The following UAP1L1 variants were observed in gnomAD, a reference collection of about 807,000 sequenced individuals.
UAP1L1 encodes UDP-N-acetylhexosamine pyrophosphorylase-like protein 1.
A neutral mutation model predicts 45.3 loss-of-function variants in UAP1L1; 45 were observed. That is an observed-to-expected ratio of 0.99 (90% confidence interval 0.78 to 1.27). UAP1L1 has a LOEUF of 1.27. Among genes scored for constraint, UAP1L1 ranks in the 50% most tolerant of loss-of-function variants. UAP1L1 has a pLI of 0.00. For missense variants in UAP1L1, 667 were observed against 694.0 expected, an observed-to-expected ratio of 0.96 and a Z score of 0.44; for synonymous variants, 323 against 303.9, an observed-to-expected ratio of 1.06 and a Z score of -0.65.
chr9:137,078,449 C>T (rs1204974456), intron 2 of UAP1L1, 53 bp from the exon 3 acceptor site: 1 of 1,610,622 alleles, frequency 6.2e-7, no homozygotes, highest in Non-Finnish European at 8.5e-7. Flanking sequence ...CGAGCCCCGT[C>T]TGCCTGCAGG....
At chr9:137,078,306 C>T (rs1165155662) in intron 2 of UAP1L1, 52 bp downstream of exon 2, 3 of 1,511,802 alleles carry the variant, frequency 2.0e-6, no homozygotes, top group Non-Finnish European at 2.7e-6. Context: ...CCCACGCCCC[C>T]CCACATCCCC....
At position 137,077,563 on chromosome 9, in the gene UAP1L1, C is replaced by T; in HGVS notation, c.31C>T (p.Leu11=). MASEQDVRAR[L]QRAGQEHLLR... is the part of the protein sequence containing the mutation. ...TTCGGAGCAGGACGTGCGCGCCCGG[C>T]TGCAGCGCGCTGGCCAGGAGCACCT... The change falls in exon 1 of 9, where the codon CTG becomes TTG. Residue 11 remains leucine, a synonymous_variant. Coordinates refer to ENST00000409858, the MANE Select transcript of UAP1L1 (RefSeq NM_207309.3). This position sits in a 1 kb window ranked among gnomAD's most constrained non-coding sequence, Gnocchi z 4.7. 7.2e-7 allele frequency: 1 copy of T among 1,394,112 alleles called. No individual in the cohort carries two copies. The highest frequency in any genetic ancestry group is 9.4e-7 in the Non-Finnish European group (1 of 1,067,436). 86.4% of individuals were successfully genotyped at this position (1,394,112 alleles called of 1,614,324 possible).
rs777183541 is a variant in UAP1L1, at chr9:137,077,673, C to T, written c.141C>T (p.Arg47=). 15 of 1,195,000 alleles carry T rather than the reference C, an allele frequency of 1.3e-5. 1 individual carries two copies. In the South Asian group the frequency reaches 3.9e-4, roughly 31 times the overall value. 74.0% of individuals were successfully genotyped at this position (1,195,000 alleles called of 1,614,324 possible). ...ELALLEPEAL[R]EHCRRAAEAC... Reference sequence around the variant, plus strand: ...CGCTGCTGGAGCCCGAGGCGCTGCGCGAGCACTGCCGGCGGGCGGCGGAGG... The same window carrying T: ...CGCTGCTGGAGCCCGAGGCGCTGCGTGAGCACTGCCGGCGGGCGGCGGAGG... Residue 47 remains arginine (R), a synonymous_variant, in exon 1 of 9, where the codon CGC becomes CGT. Coordinates refer to ENST00000409858, the MANE Select transcript of UAP1L1 (RefSeq NM_207309.3). The surrounding 1 kb of genome is among the most constrained non-coding windows in gnomAD (Gnocchi z 4.7).
At position 137,078,443 on chromosome 9, in the gene UAP1L1, C is replaced by T. The variant is rs781485200; in HGVS notation, c.495-59C>T. The T allele has an allele frequency of 7.5e-6, 12 of 1,609,758 alleles. 1 individual carries two copies. In the African/African-American group the frequency reaches 1.5e-4, roughly 20 times the overall value. ...ACCCCGATGCCGGCTCTGGTCCGAG[C>T]CCCGTCTGCCTGCAGGGCCAGGCGT... is the stretch of plus-strand genomic sequence containing the variant. On this transcript the variant is annotated intron_variant, in intron 2 of 8. Transcript: ENST00000409858.
In UAP1L1 at chr9:137,082,344, G is replaced by A. The variant is rs1832801132; in HGVS notation, c.1431+280G>A. The A allele has an allele frequency of 3.3e-6, 2 of 599,028 alleles. No individual in the cohort carries two copies. The highest frequency in any genetic ancestry group is 5.9e-6 in the Non-Finnish European group (2 of 337,526). 37.1% of individuals were successfully genotyped at this position (599,028 alleles called of 1,614,324 possible). A position where few individuals can be genotyped will look rare whatever the true frequency, so the allele number is the denominator to read the frequency against. ...CTTGGTGGGGGCCTTGCGGAGGGAG[G>A]ACACCGGCCTCTGCTACCTCCCTGA... On this transcript the variant is annotated intron_variant, in intron 8 of 8. Coordinates refer to ENST00000409858, the MANE Select transcript of UAP1L1 (RefSeq NM_207309.3). This position sits in a 1 kb window ranked among gnomAD's most constrained non-coding sequence, Gnocchi z 5.7.
intron 6 of UAP1L1, chr9:137,080,440 G>A (rs1224401540): frequency 2.0e-5 from 12 of 590,906 alleles, no homozygotes; most frequent in East Asian, 8.7e-5. Flanking sequence ...AGGGCGGCTC[G>A]CAGGGCCTTT....
In UAP1L1 at chr9:137,079,336, C is replaced by T. The variant is rs781591611; in HGVS notation, c.924C>T (p.Ser308=). The T allele has an allele frequency of 3.7e-6, 6 of 1,613,166 alleles. No individual in the cohort carries two copies. Among genetic ancestry groups the T allele is most frequent in the Middle Eastern group, 1.6e-4 (1 of 6,062 alleles). The part of the protein sequence containing the change: ...VDGVPQVVEY[S]EISPETAQLR... ...GTGTCCCCCAGGTGGTGGAGTACAG[C>T]GAGATCAGTCCTGAGACCGCACAGC... Residue 308 remains serine (S), a synonymous_variant, in exon 5 of 9, where the codon AGC becomes AGT. Transcript: ENST00000409858.
rs774386809 is a variant in UAP1L1 at position 137,082,471 on chromosome 9, G to C, written c.1432-166G>C. 28 of 624,764 alleles carry C rather than the reference G, an allele frequency of 4.5e-5. No individual in the cohort carries two copies. The highest frequency in any genetic ancestry group is 6.8e-5 in the Non-Finnish European group (24 of 351,144). The allele number at this position is 624,764 out of a possible 1,614,324, so 38.7% of individuals were successfully genotyped here. A position where few individuals can be genotyped will look rare whatever the true frequency, so the allele number is the denominator to read the frequency against. On this transcript the variant is annotated intron_variant, in intron 8 of 8. Transcript: ENST00000409858. This position sits in a 1 kb window ranked among gnomAD's most constrained non-coding sequence, Gnocchi z 5.7. ...CTTGAGTGTGGTCTTGGGTGGCCTT[G>C]CAGTGTGTGTCTGCTCCTGGCCCTG...
In UAP1L1 at chr9:137,082,815, C is replaced by A. The variant is rs1383752786; in HGVS notation, c.*86C>A. ...CGACTCCCCCCAGACCTGCCAGCCCCGGCGTCCTGGAGCTGGGGGCTACAG... is the reference window on the plus strand; with the variant it reads ...CGACTCCCCCCAGACCTGCCAGCCCAGGCGTCCTGGAGCTGGGGGCTACAG... On this transcript the variant is annotated 3_prime_UTR_variant, in exon 9 of 9. Transcript: ENST00000409858. This position sits in a 1 kb window ranked among gnomAD's most constrained non-coding sequence, Gnocchi z 5.7. 3.4e-6 allele frequency: 4 copies of A among 1,182,318 alleles called. No individual in the cohort carries two copies. Among genetic ancestry groups the A allele is most frequent in the Non-Finnish European group, 4.8e-6 (4 of 832,924 alleles). The allele number at this position is 1,182,318 out of a possible 1,614,324, so 73.2% of individuals were successfully genotyped here. A position where few individuals can be genotyped will look rare whatever the true frequency, so the allele number is the denominator to read the frequency against.
chr9:137,079,908 A>AGCTGGGTGTG (rs1362083908), intron 5 of UAP1L1, 94 bp from the exon 6 acceptor site: 10 of 1,495,146 alleles, frequency 6.7e-6, no homozygotes, highest in Non-Finnish European at 8.2e-6. Flanking sequence ...ATCCTGTCCC[A>AGCTGGGTGTG]CCCAGCTGGG....
At position 137,078,098 on chromosome 9, in the gene UAP1L1, G is replaced by C. The variant is rs1226253400; in HGVS notation, c.338G>C (p.Gly113Ala). ...LNKVAVLLLA[G>A]GQGTRLGVTY... ...AAGGTGGCCGTCCTGCTGCTGGCTG[G>C]GGGGCAGGGCACTCGCCTGGGCGTG... The change falls in exon 2 of 9, where the codon GGG (glycine) becomes GCG (alanine). Residue 113 changes from glycine to alanine, a missense_variant. Gly to Ala is a moderately conservative substitution (Grantham distance 60). Coordinates refer to ENST00000409858, the MANE Select transcript of UAP1L1 (RefSeq NM_207309.3). 1.3e-6 allele frequency: 2 copies of C among 1,550,210 alleles called. No homozygotes were observed. The highest frequency in any genetic ancestry group is 3.9e-5 in the Admixed American group (2 of 51,004).
At position 137,078,614 on chromosome 9, in the gene UAP1L1, CCTGCTGT is replaced by C. The variant is rs765497755; in HGVS notation, c.608_614del (p.Pro203ArgfsTer148). 7 of 1,613,138 alleles carry C rather than the reference CCTGCTGT, an allele frequency of 4.3e-6. No homozygotes were observed. The South Asian group carries it at 7.7e-5, about 18-fold the overall frequency. Reference sequence around the variant, plus strand: ...GGTCATGTTTGAGCAGCGCCTGCTGCCTGCTGTGACCTTTGATGGCAAGGTTATCCTG... The same window carrying C: ...GGTCATGTTTGAGCAGCGCCTGCTGCGACCTTTGATGGCAAGGTTATCCTG... On this transcript the variant is annotated frameshift_variant, in exon 3 of 9. Transcript: ENST00000409858. LOFTEE classifies it high-confidence loss of function.
In UAP1L1 at chr9:137,082,580, G is replaced by A; in HGVS notation, c.1432-57G>A. The A allele has an allele frequency of 1.4e-6, 2 of 1,409,858 alleles. No individual in the cohort carries two copies. Among genetic ancestry groups the A allele is most frequent in the South Asian group, 2.5e-5 (2 of 80,788 alleles). The allele number at this position is 1,409,858 out of a possible 1,614,324, so 87.3% of individuals were successfully genotyped here. A position where few individuals can be genotyped will look rare whatever the true frequency, so the allele number is the denominator to read the frequency against. ...GACTGTGGCTCTTGGTGTGGCCAGA[G>A]GGGCTGTGACCCGCCAAAAGGTGGG... On this transcript the variant is annotated intron_variant, in intron 8 of 8. Transcript: ENST00000409858. This position sits in a 1 kb window ranked among gnomAD's most constrained non-coding sequence, Gnocchi z 5.7.
At position 137,077,777 on chromosome 9, in the gene UAP1L1, C is replaced by A; in HGVS notation, c.245C>A (p.Ala82Asp). 1 of 1,367,130 alleles carries A rather than the reference C, an allele frequency of 7.3e-7. No homozygotes were observed. The highest frequency in any genetic ancestry group is 9.4e-7 in the Non-Finnish European group (1 of 1,064,114). 84.7% of individuals were successfully genotyped at this position (1,367,130 alleles called of 1,614,324 possible). Reference protein sequence around the residue: ...RPLPPERVGRASRSDPETRRR... With the variant: ...RPLPPERVGRDSRSDPETRRR... ...CTGCCCCCAGAGCGCGTGGGCAGGG[C>A]CAGCCGCAGCGACCCCGAGACACGG... Residue 82 changes from alanine to aspartate, a missense_variant, in exon 1 of 9, where the codon GCC (alanine) becomes GAC (aspartate). Coordinates refer to ENST00000409858, the MANE Select transcript of UAP1L1 (RefSeq NM_207309.3). This position sits in a 1 kb window ranked among gnomAD's most constrained non-coding sequence, Gnocchi z 4.7.
At chr9:137,081,859 A>C (rs1832791770) in intron 7 of UAP1L1, 139 bp from the exon 8 acceptor site, 6 of 835,812 alleles carry the variant, frequency 7.2e-6, no homozygotes, top group Middle Eastern at 2.7e-4. Context: ...TGGGGTGTCC[A>C]GAGGAAGATG....
intron 5 of UAP1L1, 63 bp downstream of exon 5, chr9:137,079,512 C>A: frequency 6.7e-7 from 1 of 1,494,144 alleles, no homozygotes; most frequent in Non-Finnish European, 9.0e-7. Flanking sequence ...CAGGGACCCG[C>A]GGGGTCCCAG....
rs1359488343 is a variant in UAP1L1 at position 137,080,876 on chromosome 9, TG to T, written c.1364+3del. ...GGCCTGGCTCCCAGAGCTGCCCAGG[TG>T]AGTGTGGCCCTGGGGTAGCTACAGC... is the stretch of plus-strand genomic sequence containing the variant. On this transcript the variant is annotated splice_donor_region_variant and intron_variant, in intron 7 of 8. Transcript: ENST00000409858. The T allele has an allele frequency of 6.3e-7, 1 of 1,584,388 alleles. No individual in the cohort carries two copies. The highest frequency in any genetic ancestry group is 2.2e-5 in the East Asian group (1 of 44,482).
At position 137,079,342 on chromosome 9, in the gene UAP1L1, C is replaced by T. The variant is rs770063993; in HGVS notation, c.930C>T (p.Ile310=). The stretch of plus-strand genomic sequence containing the variant: ...CCCAGGTGGTGGAGTACAGCGAGAT[C>T]AGTCCTGAGACCGCACAGCTACGTG... ...GVPQVVEYSE[I]SPETAQLRAS... is the part of the protein sequence containing the mutation. The change falls in exon 5 of 9, where the codon ATC becomes ATT. Residue 310 remains isoleucine (I), a synonymous_variant. Coordinates refer to ENST00000409858, the MANE Select transcript of UAP1L1 (RefSeq NM_207309.3). 1.2e-6 allele frequency: 2 copies of T among 1,613,192 alleles called. No homozygotes were observed. Among genetic ancestry groups the T allele is most frequent in the South Asian group, 2.2e-5 (2 of 91,080 alleles).
chr9:137,080,835 T>C lies in UAP1L1; in HGVS notation c.1325T>C (p.Phe442Ser). Residue 442 changes from phenylalanine to serine, a missense_variant, in exon 7 of 9, where the codon TTC (phenylalanine) becomes TCC (serine). Coordinates refer to ENST00000409858, the MANE Select transcript of UAP1L1 (RefSeq NM_207309.3). ...YRWALRAGARFLDAHGAWLPE... is the reference protein window; with the variant it reads ...YRWALRAGARSLDAHGAWLPE... ...TGGGCTCTGCGGGCCGGGGCCCGCT[T>C]CCTGGATGCCCATGGGGCCTGGCTC... The C allele has an allele frequency of 6.2e-7, 1 of 1,607,562 alleles. No homozygotes were observed. The highest frequency in any genetic ancestry group is 1.1e-5 in the South Asian group (1 of 90,958).
Sources: allele counts gnomAD v4.1 joint callset, GRCh38; gene constraint gnomAD v4.1.1; non-coding constraint Gnocchi (gnomAD v3.1); transcripts MANE v1.5; gene names NCBI Gene and HGNC (gene_info 2026-07-23, HGNC 2026-07-21).